ATP2C2: variants seen among roughly 807,000 people sequenced by gnomAD.
ATP2C2 encodes calcium-transporting ATPase type 2C member 2.
A neutral mutation model predicts 110.8 loss-of-function variants in ATP2C2; 171 were observed. The ratio of observed to expected loss-of-function variants is 1.54; its 90% CI spans 1.36 to 1.75. ATP2C2 has a LOEUF of 1.75. Ranked by LOEUF, ATP2C2 falls within the 40% of genes most tolerant of loss-of-function variation. ATP2C2 has a pLI of 0.00. For missense variants in ATP2C2, 1,963 were observed against 1,235.0 expected, an observed-to-expected ratio of 1.59 and a Z score of -8.84; for synonymous variants, 804 against 508.4, an observed-to-expected ratio of 1.58 and a Z score of -7.82.
chr16:84,463,534 G>A, intron 26 of ATP2C2, 80 bp from the exon 27 acceptor site: 1 of 1,171,082 alleles, frequency 8.5e-7, no homozygotes, highest in Non-Finnish European at 1.3e-6. Context: ...TTATCAGGAG[G>A]ACTGGCAGGG....
At chr16:84,385,850 C>G (rs1325876769) in intron 1 of ATP2C2, among the ~76,000 whole-genome samples, 1 of 152,222 alleles carries the variant, frequency 6.6e-6, no homozygotes, top group African/African-American at 2.4e-5. Context: ...GTCCCTTCCC[C>G]AACATGCGGG....
chr16:84,420,972 A>G (rs1433326023), intron 7 of ATP2C2, among the ~76,000 whole-genome samples: 1 of 151,928 alleles, frequency 6.6e-6, no homozygotes, highest in Admixed American at 6.6e-5. Flanking sequence ...TACCCGGCTA[A>G]TTCTTGTATT....
At position 84,368,611 on chromosome 16, in the gene ATP2C2, T is replaced by C; in HGVS notation, c.-5T>C. 1 of 1,551,902 alleles carries C rather than the reference T, an allele frequency of 6.4e-7. No homozygotes were observed. Among genetic ancestry groups the C allele is most frequent in the Non-Finnish European group, 8.7e-7 (1 of 1,148,956 alleles). On this transcript the variant is annotated 5_prime_UTR_variant, in exon 1 of 27. Coordinates refer to ENST00000262429, the MANE Select transcript of ATP2C2 (RefSeq NM_014861.4). Reference sequence around the variant, plus strand: ...GGACGCAGGCAACGCCTGCGCCCGCTCACCATGGTCGAGGGACGCGTCTCC... The same window carrying C: ...GGACGCAGGCAACGCCTGCGCCCGCCCACCATGGTCGAGGGACGCGTCTCC...
Position 84,453,160 on chromosome 16 carries a change from C to T in ATP2C2, c.1854C>T (p.Asn618=), listed in dbSNP as rs747946460. Residue 618 remains asparagine, a synonymous_variant, in exon 19 of 27, where the codon AAC becomes AAT. Transcript: ENST00000262429. ...AAGGAAGAAACATCGGCCTGTGCAA[C>T]GGGAAGCTGCAAGCCATGTCCGGGG... ...LAIGRNIGLC[N]GKLQAMSGEE... The T allele has an allele frequency of 2.9e-5, 47 of 1,613,150 alleles. No homozygotes were observed. Among genetic ancestry groups the T allele is most frequent in the African/African-American group, 6.7e-5 (5 of 74,856 alleles).
chr16:84,388,700 G>A (rs1420640996), intron 1 of ATP2C2, among the ~76,000 whole-genome samples: 1 of 152,178 alleles, frequency 6.6e-6, no homozygotes, highest in Admixed American at 6.5e-5. Flanking sequence ...CTCTTGCATT[G>A]ATTCTCTCCA....
intron 17 of ATP2C2, among the ~76,000 whole-genome samples, chr16:84,450,786 G>T (rs1211798255): frequency 6.6e-6 from 1 of 152,130 alleles, no homozygotes; most frequent in African/African-American, 2.4e-5. Context: ...CTCACAGCAA[G>T]AGTCCCCTCA....
Position 84,408,385 on chromosome 16 carries a change from C to G in ATP2C2, c.328-20C>G. The G allele has an allele frequency of 6.2e-7, 1 of 1,609,844 alleles. No homozygotes were observed. Among genetic ancestry groups the G allele is most frequent in the Non-Finnish European group, 8.5e-7 (1 of 1,176,246 alleles). On this transcript the variant is annotated intron_variant, in intron 3 of 26. Coordinates refer to ENST00000262429, the MANE Select transcript of ATP2C2 (RefSeq NM_014861.4). ...CCCTGAGACTAAAGAACGTGCCCCA[C>G]CCTGTTATTTCCTCTTCAGTTTAAG...
chr16:84,451,516 C>T (rs370178109), intron 17 of ATP2C2, among the ~76,000 whole-genome samples: 2 of 152,174 alleles, frequency 1.3e-5, no homozygotes, highest in Non-Finnish European at 2.9e-5. Flanking sequence ...CTCTGCAGAC[C>T]GAGGAGGATC....
At chr16:84,378,652 T>G (rs1039440097) in intron 1 of ATP2C2, among the ~76,000 whole-genome samples, 1 of 152,242 alleles carries the variant, frequency 6.6e-6, no homozygotes, top group African/African-American at 2.4e-5. Context: ...TGCTTTGACC[T>G]TGGGTCATGT....
chr16:84,372,259 G>T (rs1331868571), intron 1 of ATP2C2, among the ~76,000 whole-genome samples: 1 of 152,194 alleles, frequency 6.6e-6, no homozygotes, highest in Admixed American at 6.5e-5. Context: ...GGCACAGTCA[G>T]ATTTGTGTTT....
chr16:84,436,677 G>A (rs1270189843), intron 11 of ATP2C2, among the ~76,000 whole-genome samples: 2 of 151,970 alleles, frequency 1.3e-5, no homozygotes, highest in Non-Finnish European at 1.5e-5. Flanking sequence ...GCCTGGCCTC[G>A]GGTGGAGGTT....
chr16:84,409,449 C>G (rs1016814536), intron 4 of ATP2C2, among the ~76,000 whole-genome samples: 3 of 151,554 alleles, frequency 2.0e-5, no homozygotes, highest in Non-Finnish European at 2.9e-5. Context: ...TAAAGTATAA[C>G]AAGAAAAAAA....
intron 7 of ATP2C2, among the ~76,000 whole-genome samples, chr16:84,419,720 C>A (rs1048408389): frequency 6.6e-6 from 1 of 152,150 alleles, no homozygotes; most frequent in African/African-American, 2.4e-5. Context: ...GCACCTACTA[C>A]GTATGAGGCC....
chr16:84,436,896 G>C lies in ATP2C2; in HGVS notation c.987-2270G>C, dbSNP rs527875337. On this transcript the variant is annotated intron_variant, in intron 11 of 26. Coordinates refer to ENST00000262429, the MANE Select transcript of ATP2C2 (RefSeq NM_014861.4). ...TCCTGCCTCAGCCTCCCGAGTAGCTGGGATTACAGGCATGCGCCACCACGC... is the reference window on the plus strand; with the variant it reads ...TCCTGCCTCAGCCTCCCGAGTAGCTCGGATTACAGGCATGCGCCACCACGC... Among the ~76,000 whole-genome samples, 139 of 151,876 alleles carry C rather than the reference G, an allele frequency of 9.2e-4. 1 individual carries two copies. Among genetic ancestry groups the C allele is most frequent in the Middle Eastern group, 3.4e-3 (1 of 292 alleles).
chr16:84,458,995 A>G lies in ATP2C2; in HGVS notation c.2148-125A>G. ...GTCCCCAAGAATGCCAGCAAGGGGA[A>G]CCAGCAGGGGCCCAAGTATAACATC... On this transcript the variant is annotated intron_variant, in intron 21 of 26. Coordinates refer to ENST00000262429, the MANE Select transcript of ATP2C2 (RefSeq NM_014861.4). The G allele has an allele frequency of 4.8e-6, 5 of 1,033,926 alleles. No homozygotes were observed. In the South Asian group the frequency reaches 7.1e-5, roughly 15 times the overall value. 64.0% of individuals were successfully genotyped at this position (1,033,926 alleles called of 1,614,324 possible).
chr16:84,436,858 G>A (rs993671407), intron 11 of ATP2C2, among the ~76,000 whole-genome samples: 2 of 147,084 alleles, frequency 1.4e-5, no homozygotes, highest in African/African-American at 5.0e-5. Flanking sequence ...CACCTCCCAG[G>A]TTCAAGCGAT....
At chr16:84,434,040 G>A (rs1908522350) in intron 11 of ATP2C2, among the ~76,000 whole-genome samples, 1 of 152,178 alleles carries the variant, frequency 6.6e-6, no homozygotes, top group Admixed American at 6.5e-5. Context: ...TCAGAAGGTG[G>A]AGATGGCAGC....
chr16:84,420,493 G>A lies in ATP2C2; in HGVS notation c.625-1897G>A, dbSNP rs56023551. 7.2e-3 allele frequency among the ~76,000 whole-genome samples: 1,054 copies of A among 146,812 alleles called. 16 individuals are homozygous for A. The highest frequency in any genetic ancestry group is 0.026 in the African/African-American group (1,014 of 39,764). On this transcript the variant is annotated intron_variant, in intron 7 of 26. Coordinates refer to ENST00000262429, the MANE Select transcript of ATP2C2 (RefSeq NM_014861.4). The stretch of plus-strand genomic sequence containing the variant: ...CTTTCTTTTTTTTTTTTTTTTAAAG[G>A]ACTTCATTGTTTAGAAATGTTTTAG...
intron 1 of ATP2C2, among the ~76,000 whole-genome samples, chr16:84,379,437 A>G (rs1345011331): frequency 1.3e-5 from 2 of 152,170 alleles, no homozygotes; most frequent in East Asian, 3.9e-4. Context: ...AAGTGTTGGG[A>G]TTACAGGCGT....
Sources: gnomAD v4.1 joint callset for allele counts (sites outside exome capture counted in the v4.1 genomes callset) on GRCh38, gnomAD v4.1.1 for gene constraint, MANE v1.5 for transcripts, NCBI Gene and HGNC (gene_info 2026-07-23, HGNC 2026-07-21) for gene names.